COL19A1: variants seen among roughly 807,000 people sequenced by gnomAD.
The protein encoded by COL19A1 is collagen alpha-1(XIX) chain.
In COL19A1, 159 loss-of-function variants were observed where a neutral mutation model predicts 190.2. The observed-to-expected ratio is 0.84, with a 90% CI of 0.73 to 0.95. The LOEUF (loss-of-function observed/expected upper bound fraction) is 0.95, where lower values mean the gene tolerates loss of function less well. Among genes scored for constraint, COL19A1 ranks in the 40% least tolerant of loss-of-function variants. The pLI is 0.00. For synonymous variants in COL19A1, 509 were observed against 458.9 expected, an observed-to-expected ratio of 1.11 and a Z score of -1.39; for missense variants, 1,418 against 1,431.9, an observed-to-expected ratio of 0.99 and a Z score of 0.16.
intron 35 of COL19A1, 44 bp from the exon 36 acceptor site, chr6:70,163,299 T>C: frequency 6.3e-7 from 1 of 1,583,968 alleles, no homozygotes; most frequent in Non-Finnish European, 8.6e-7. Context: ...CCTTTGGCCA[T>C]TTAATTGTTG....
chr6:70,168,649 T>C lies in COL19A1; in HGVS notation c.2542-6T>C. ...TGAAAAATGACTTTCCATGTTTCTCTTACAGGGCCCAAAAGGCGATCCTGG... is the reference window on the plus strand; with the variant it reads ...TGAAAAATGACTTTCCATGTTTCTCCTACAGGGCCCAAAAGGCGATCCTGG... On this transcript the variant is annotated splice_region_variant and splice_polypyrimidine_tract_variant and intron_variant, in intron 39 of 50. Transcript: ENST00000620364. 1.2e-6 allele frequency: 2 copies of C among 1,612,892 alleles called. No homozygotes were observed. Among genetic ancestry groups the C allele is most frequent in the Non-Finnish European group, 1.7e-6 (2 of 1,179,486 alleles).
At chr6:69,990,072 G>C (rs990094518) in intron 11 of COL19A1, among the ~76,000 whole-genome samples, 1 of 152,050 alleles carries the variant, frequency 6.6e-6, no homozygotes, top group African/African-American at 2.4e-5. Context: ...AGCATGTGAA[G>C]TACCCACTTA....
chr6:70,168,802 G>T, intron 40 of COL19A1, 121 bp downstream of exon 40: 1 of 990,836 alleles, frequency 1.0e-6, no homozygotes, highest in South Asian at 1.5e-5. Flanking sequence ...TGCTGGTGGT[G>T]ACAAGCAGGC....
chr6:70,149,744 G>A lies in COL19A1; in HGVS notation c.1929+5G>A. 6.2e-7 allele frequency: 1 copy of A among 1,613,614 alleles called. No individual in the cohort carries two copies. The highest frequency in any genetic ancestry group is 2.2e-5 in the East Asian group (1 of 44,818). ...GCTGGAGAGCCAGGTATTCAGGTAA[G>A]CTATTTAACTAATTTTTTAGCACAG... On this transcript the variant is annotated splice_donor_5th_base_variant and intron_variant, in intron 28 of 50. Transcript: ENST00000620364.
intron 4 of COL19A1, among the ~76,000 whole-genome samples, chr6:69,903,638 T>C (rs1029163442): frequency 6.6e-6 from 1 of 152,242 alleles, no homozygotes; most frequent in Non-Finnish European, 1.5e-5. Context: ...ACTGCTTTTC[T>C]ATCAAGGAAT....
intron 42 of COL19A1, among the ~76,000 whole-genome samples, chr6:70,179,430 C>A (rs546522458): frequency 1.1e-4 from 17 of 152,326 alleles, no homozygotes; most frequent in Non-Finnish European, 2.2e-4. Context: ...CCAGTCTCCA[C>A]TGGACCGTCT....
chr6:69,907,384 C>T (rs1442930430), intron 4 of COL19A1, among the ~76,000 whole-genome samples: 5 of 152,066 alleles, frequency 3.3e-5, no homozygotes, highest in Non-Finnish European at 4.4e-5. Context: ...CCCGCCTCGG[C>T]CCCCCAAAGT....
intron 11 of COL19A1, among the ~76,000 whole-genome samples, chr6:70,010,702 G>A (rs954045033): frequency 7.3e-6 from 1 of 136,782 alleles, no homozygotes; most frequent in South Asian, 2.4e-4. Flanking sequence ...CTGGCTCGGA[G>A]GGTCCTACAC....
chr6:70,114,271 C>A (rs1405732137), intron 16 of COL19A1, among the ~76,000 whole-genome samples: 1 of 152,172 alleles, frequency 6.6e-6, no homozygotes, highest in Admixed American at 6.6e-5. Flanking sequence ...TGTTTAAAAA[C>A]CAGCTTTAAG....
intron 42 of COL19A1, among the ~76,000 whole-genome samples, chr6:70,176,785 T>C (rs1310068099): frequency 1.3e-5 from 2 of 152,244 alleles, no homozygotes; most frequent in African/African-American, 4.8e-5. Flanking sequence ...TTTTATTTTC[T>C]TCCCAAGTCA....
At chr6:69,965,229 T>G (rs920932801) in intron 11 of COL19A1, among the ~76,000 whole-genome samples, 2 of 152,182 alleles carry the variant, frequency 1.3e-5, no homozygotes, top group African/African-American at 4.8e-5. Flanking sequence ...ACTGTTTGAG[T>G]GACAAGTCAC....
Position 69,929,573 on chromosome 6 carries a change from C to T in COL19A1, c.539C>T (p.Ser180Phe). The change falls in exon 6 of 51, where the codon TCC becomes TTC. Residue 180 changes from serine to phenylalanine, a missense_variant. By Grantham distance (155) the Ser-to-Phe change is radical. Coordinates refer to ENST00000620364, the MANE Select transcript of COL19A1 (RefSeq NM_001858.6). ...QWHKLGISIQ[S>F]QVISLYMDCN... ...CACAAACTTGGCATTAGTATACAAT[C>T]CCAGGTCATTTCACTTTATATGGAT... 2 of 1,613,980 alleles carry T rather than the reference C, an allele frequency of 1.2e-6. No homozygotes were observed. The highest frequency in any genetic ancestry group is 1.6e-4 in the Middle Eastern group (1 of 6,062).
intron 10 of COL19A1, 123 bp downstream of exon 10, chr6:69,960,163 TATG>T (rs1774690201): frequency 6.5e-6 from 6 of 919,482 alleles, no homozygotes; most frequent in Non-Finnish European, 9.8e-6. Flanking sequence ...TTTAGAAAGC[TATG>T]GATGTCTTTT....
intron 16 of COL19A1, among the ~76,000 whole-genome samples, chr6:70,116,620 A>G (rs1443532705): frequency 2.0e-5 from 3 of 151,954 alleles, no homozygotes; most frequent in Admixed American, 1.3e-4. Flanking sequence ...CACCATTCCT[A>G]TGTCTGAATT....
intron 9 of COL19A1, among the ~76,000 whole-genome samples, chr6:69,951,522 T>C (rs1582502227): frequency 6.6e-6 from 1 of 152,046 alleles, no homozygotes; most frequent in South Asian, 2.1e-4. Context: ...ATATTAGTTA[T>C]TGAAAATATA....
At chr6:69,960,276 G>C (rs2150044288) in intron 10 of COL19A1, among the ~76,000 whole-genome samples, 1 of 152,228 alleles carries the variant, frequency 6.6e-6, no homozygotes, top group South Asian at 2.1e-4. Context: ...AGAACTAAAT[G>C]GTAGTAGTGC....
chr6:70,210,976 C>A lies in COL19A1; in HGVS notation c.*3702C>A, dbSNP rs1195243976. 6.6e-6 allele frequency among the ~76,000 whole-genome samples: 1 copy of A among 151,990 alleles called. No homozygotes were observed. The highest frequency in any genetic ancestry group is 2.4e-5 in the African/African-American group (1 of 41,402). The stretch of plus-strand genomic sequence containing the variant: ...TTAACTAGTCATAACTGTTTATACA[C>A]CACTCTCATATTTTAGTGATCAATA... On this transcript the variant is annotated 3_prime_UTR_variant, in exon 51 of 51. Transcript: ENST00000620364.
intron 2 of COL19A1, among the ~76,000 whole-genome samples, chr6:69,882,657 C>G (rs1768640126): frequency 1.3e-5 from 2 of 152,110 alleles, no homozygotes; most frequent in African/African-American, 4.8e-5. Context: ...TTAAATAACA[C>G]ATTTTCCTTT....
chr6:70,072,815 G>A (rs1290518509), intron 15 of COL19A1, among the ~76,000 whole-genome samples: 1 of 151,968 alleles, frequency 6.6e-6, no homozygotes, highest in Non-Finnish European at 1.5e-5. Flanking sequence ...AAAGGGGCTG[G>A]GTCACATTTC....
Sources: allele counts gnomAD v4.1 joint callset (sites outside exome capture counted in the v4.1 genomes callset), GRCh38; gene constraint gnomAD v4.1.1; transcripts MANE v1.5; gene names NCBI Gene and HGNC (gene_info 2026-07-23, HGNC 2026-07-21).